The following SPMIP2 variants were observed in gnomAD, a reference collection of about 807,000 sequenced individuals.
SPMIP2 encodes the protein sperm microtubule inner protein 2.
chr4:159,004,847 G>T, the SPMIP2 span, among the ~76,000 whole-genome samples: 1 of 151,870 alleles, frequency 6.6e-6, no homozygotes, highest in Admixed American at 6.6e-5. Context: ...AAGCTACCAG[G>T]TCAAGAGTGG....
chr4:159,020,907 G>C, the SPMIP2 span, among the ~76,000 whole-genome samples: 3 of 151,974 alleles, frequency 2.0e-5, no homozygotes, highest in Non-Finnish European at 2.9e-5. Context: ...GACTACAGGC[G>C]CCCACCACCA....
the SPMIP2 span, among the ~76,000 whole-genome samples, chr4:158,996,390 T>C: frequency 6.6e-6 from 1 of 152,186 alleles, no homozygotes; most frequent in African/African-American, 2.4e-5. Context: ...TTTCCTAGCA[T>C]AAATGTGCAT....
the SPMIP2 span, among the ~76,000 whole-genome samples, chr4:159,014,557 T>C: frequency 1.3e-5 from 2 of 152,294 alleles, no homozygotes; most frequent in East Asian, 3.9e-4. Context: ...CATGTGCACA[T>C]TGTGCAGGTT....
At chr4:159,024,290 A>G in the SPMIP2 span, among the ~76,000 whole-genome samples, 2 of 152,184 alleles carry the variant, frequency 1.3e-5, no homozygotes, top group Admixed American at 6.5e-5. Context: ...TCCCTGAGGT[A>G]TATTTTTCTA....
the SPMIP2 span, among the ~76,000 whole-genome samples, chr4:158,952,375 T>TA: frequency 6.6e-6 from 1 of 152,222 alleles, no homozygotes; most frequent in African/African-American, 2.4e-5. Context: ...GTCCTTGTGG[T>TA]AGTCAAGTCT....
the SPMIP2 span, among the ~76,000 whole-genome samples, chr4:158,941,851 A>AT: frequency 1.9e-4 from 28 of 150,164 alleles, 1 homozygote; most frequent in Middle Eastern, 3.4e-3. Flanking sequence ...GCATTGCTCT[A>AT]TTTTTTTTTT....
At chr4:158,942,699 C>T in the SPMIP2 span, among the ~76,000 whole-genome samples, 2 of 152,142 alleles carry the variant, frequency 1.3e-5, no homozygotes, top group Non-Finnish European at 2.9e-5. Context: ...GTCACTTGAA[C>T]CCGGGAGGTG....
chr4:159,022,733 G>A, the SPMIP2 span, among the ~76,000 whole-genome samples: 4 of 152,126 alleles, frequency 2.6e-5, no homozygotes, highest in African/African-American at 4.8e-5. Flanking sequence ...AGACTGTGAT[G>A]GTTAATATCG....
At chr4:159,011,135 C>T in the SPMIP2 span, among the ~76,000 whole-genome samples, 2 of 152,084 alleles carry the variant, frequency 1.3e-5, no homozygotes, top group Admixed American at 6.6e-5. Flanking sequence ...AGTGAAGTAC[C>T]AGTTAAATAT....
the SPMIP2 span, among the ~76,000 whole-genome samples, chr4:159,058,777 A>T: frequency 6.6e-6 from 1 of 152,228 alleles, no homozygotes; most frequent in Non-Finnish European, 1.5e-5. Flanking sequence ...TGAGAATAAG[A>T]TACCTTTTTT....
At chr4:158,982,910 T>C in the SPMIP2 span, among the ~76,000 whole-genome samples, 2 of 152,026 alleles carry the variant, frequency 1.3e-5, no homozygotes, top group Admixed American at 1.3e-4. Context: ...TTAAAAACCT[T>C]GAAAAAAATT....
the SPMIP2 span, among the ~76,000 whole-genome samples, chr4:159,048,359 C>T: frequency 1.3e-5 from 2 of 152,228 alleles, no homozygotes; most frequent in Non-Finnish European, 2.9e-5. Flanking sequence ...CATTGTGCTG[C>T]TCTCACGGCG....
At chr4:159,001,256 C>CT in the SPMIP2 span, among the ~76,000 whole-genome samples, 7 of 152,088 alleles carry the variant, frequency 4.6e-5, no homozygotes, top group African/African-American at 1.7e-4. Flanking sequence ...TGTAGAGGAC[C>CT]TTTTGCTTAT....
chr4:158,975,163 TTG>T, the SPMIP2 span, among the ~76,000 whole-genome samples: 1 of 85,842 alleles, frequency 1.2e-5, no homozygotes, highest in South Asian at 3.7e-4. Context: ...TGTTTTTTTC[TTG>T]TGACTTTAAG....
At chr4:158,992,303 G>A in the SPMIP2 span, among the ~76,000 whole-genome samples, 1 of 152,174 alleles carries the variant, frequency 6.6e-6, no homozygotes, top group African/African-American at 2.4e-5. Context: ...GAACACTGCT[G>A]GCTACATTTG....
chr4:159,077,487 T>G, the SPMIP2 span, among the ~76,000 whole-genome samples: 1 of 152,240 alleles, frequency 6.6e-6, no homozygotes, highest in South Asian at 2.1e-4. Flanking sequence ...GGGTTTTTCT[T>G]GGGAGGGAAG....
At chr4:158,940,223 A>G in the SPMIP2 span, among the ~76,000 whole-genome samples, 1 of 152,028 alleles carries the variant, frequency 6.6e-6, no homozygotes, top group Non-Finnish European at 1.5e-5. Flanking sequence ...TACTTGTCCA[A>G]ATTTCCTTTT....
At chr4:159,012,266 C>T in the SPMIP2 span, among the ~76,000 whole-genome samples, 1 of 152,104 alleles carries the variant, frequency 6.6e-6, no homozygotes, top group African/African-American at 2.4e-5. Flanking sequence ...AGATATCTTA[C>T]TTAGCACAGA....
At chr4:159,025,609 C>T in the SPMIP2 span, among the ~76,000 whole-genome samples, 2 of 151,832 alleles carry the variant, frequency 1.3e-5, no homozygotes, top group African/African-American at 2.4e-5. Context: ...ATAAGGTGTA[C>T]TTGGTTGGCT....
Sources: gnomAD v4.1 joint callset for allele counts (sites outside exome capture counted in the v4.1 genomes callset) on GRCh38, gnomAD v4.1.1 for gene constraint, MANE v1.5 for transcripts, NCBI Gene and HGNC (gene_info 2026-07-23, HGNC 2026-07-21) for gene names.